The following FAM13B variants were observed in gnomAD, a reference collection of about 807,000 sequenced individuals.
FAM13B encodes protein FAM13B.
Under a neutral mutation model 117.3 loss-of-function variants are expected in FAM13B, and 60 were observed. That is an observed-to-expected ratio of 0.51 (90% CI 0.42 to 0.63). The LOEUF is 0.63. FAM13B is among the 30% of genes least tolerant of loss of function. The pLI is 0.00. For missense variants in FAM13B, 972 were observed against 1,091.9 expected, an observed-to-expected ratio of 0.89 and a Z score of 1.55; for synonymous variants, 332 against 356.1, an observed-to-expected ratio of 0.93 and a Z score of 0.76.
chr5:138,047,641 G>A (rs1225434274), intron 1 of FAM13B, among the ~76,000 whole-genome samples: 4 of 152,300 alleles, frequency 2.6e-5, no homozygotes, highest in African/African-American at 7.2e-5. Flanking sequence ...AAATTATCCC[G>A]GATTATCTGG....
intron 7 of FAM13B, among the ~76,000 whole-genome samples, chr5:138,002,864 C>A (rs1455798383): frequency 1.3e-5 from 2 of 148,872 alleles, no homozygotes; most frequent in Non-Finnish European, 3.0e-5. Context: ...TTAGTAGAGA[C>A]GGGGTTTCAC....
rs906668032 is a variant in FAM13B, at chr5:138,033,061, G to A, written c.-482C>T. 3.0e-6 allele frequency: 3 copies of A among 986,368 alleles called. No homozygotes were observed. The highest frequency in any genetic ancestry group is 3.6e-6 in the Non-Finnish European group (3 of 830,770). The allele number at this position is 986,368 out of a possible 1,614,324, so 61.1% of individuals were successfully genotyped here. ...TGAGGTGCAGAGCCTCCCTAACGGC[G>A]AGCGGGAGGAGAGCGGCTGGCGGGC... On this transcript the variant is annotated 5_prime_UTR_variant, in exon 1 of 24. Coordinates refer to ENST00000689681, the MANE Select transcript of FAM13B (RefSeq NM_001385994.1).
At chr5:138,047,629 G>A (rs1791681403) in intron 1 of FAM13B, among the ~76,000 whole-genome samples, 1 of 152,200 alleles carries the variant, frequency 6.6e-6, no homozygotes, top group African/African-American at 2.4e-5. Flanking sequence ...CCAGAGATGG[G>A]GAAATTATCC....
chr5:137,989,954 C>T (rs11242404), intron 7 of FAM13B, among the ~76,000 whole-genome samples: 112,349 of 152,128 alleles, frequency 0.74, 42,135 homozygotes, highest in East Asian at 0.97. Flanking sequence ...TTATTTCTAG[C>T]GGTTTCCTGT....
intron 10 of FAM13B, among the ~76,000 whole-genome samples, chr5:137,971,137 C>G (rs184798074): frequency 0.11 from 16,598 of 151,454 alleles, 1,412 homozygotes; most frequent in East Asian, 0.36. Flanking sequence ...GAACTCTCCA[C>G]CCCAAATCAA....
chr5:138,021,606 G>A (rs1423185207), intron 1 of FAM13B, among the ~76,000 whole-genome samples: 2 of 152,166 alleles, frequency 1.3e-5, no homozygotes, highest in Non-Finnish European at 2.9e-5. Context: ...ATTTAAGCTT[G>A]CTACTATACT....
chr5:138,014,547 C>T (rs1461583653), intron 4 of FAM13B, among the ~76,000 whole-genome samples: 3 of 152,208 alleles, frequency 2.0e-5, no homozygotes, highest in Non-Finnish European at 1.5e-5. Flanking sequence ...CTGTCTTCCA[C>T]AAAACCAGTC....
At chr5:137,947,966 G>GA (rs1763904275) in intron 18 of FAM13B, among the ~76,000 whole-genome samples, 1 of 152,134 alleles carries the variant, frequency 6.6e-6, no homozygotes, top group African/African-American at 2.4e-5. Flanking sequence ...TCAAGGGAAA[G>GA]AAAGACTCCA....
intron 10 of FAM13B, among the ~76,000 whole-genome samples, chr5:137,985,048 C>T (rs1024828037): frequency 1.3e-5 from 2 of 152,164 alleles, no homozygotes; most frequent in Non-Finnish European, 2.9e-5. Context: ...GGATTACAGG[C>T]GTGAGCCACC....
At chr5:137,960,427 A>G (rs900632827) in intron 11 of FAM13B, among the ~76,000 whole-genome samples, 4 of 152,124 alleles carry the variant, frequency 2.6e-5, no homozygotes, top group African/African-American at 9.7e-5. Flanking sequence ...TCGGGTTTAG[A>G]AAAATCAAGT....
chr5:137,948,988 T>G lies in FAM13B; in HGVS notation c.2127A>C (p.Lys709Asn), dbSNP rs1419414392. The change falls in exon 18 of 24, where the codon AAA (lysine) becomes AAC (asparagine). Residue 709 changes from lysine (K) to asparagine (N), a missense_variant. Physicochemically the swap from Lys to Asn is moderately conservative, Grantham distance 94. Transcript: ENST00000689681. ...CTTCTGGAAGACACCTCTCAATACG[T>G]TTTTCTTTCAGTCTTTTAAGAATAA... is the stretch of plus-strand genomic sequence containing the variant. ...LELILKRLKE[K>N]RIERCLPEDI... 2 of 1,613,676 alleles carry G rather than the reference T, an allele frequency of 1.2e-6. No individual in the cohort carries two copies. The highest frequency in any genetic ancestry group is 4.5e-5 in the East Asian group (2 of 44,878).
rs34110085 is a variant in FAM13B at position 138,022,112 on chromosome 5, C to CA, written c.-202-916dup. ...CGGGCAACAAAGTGAGATCCTGTCT[C>CA]AAAAAAAAAAAAAAAAAAAAAAGAA... is the stretch of plus-strand genomic sequence containing the variant. On this transcript the variant is annotated intron_variant, in intron 1 of 23. Coordinates refer to ENST00000689681, the MANE Select transcript of FAM13B (RefSeq NM_001385994.1). Among the ~76,000 whole-genome samples the CA allele has an allele frequency of 2.8e-3, 375 of 135,504 alleles. 1 individual carries two copies. Among genetic ancestry groups the CA allele is most frequent in the South Asian group, 5.6e-3 (25 of 4,490 alleles). The allele number at this position is 135,504 out of a possible 152,430, so 88.9% of individuals were successfully genotyped here.
At chr5:138,051,279 A>G (rs957846885) in intron 1 of FAM13B, among the ~76,000 whole-genome samples, 2 of 152,240 alleles carry the variant, frequency 1.3e-5, no homozygotes, top group Non-Finnish European at 2.9e-5. Context: ...AAACAGTGCT[A>G]CAATATGTTT....
rs77131785 is a variant in FAM13B at position 138,004,378 on chromosome 5, T to C, written c.848+2612A>G. ...GATCGAAGAGAAGCTATTAGTAATA[T>C]GTATTTGAAACCATACTTAGCCTTG... On this transcript the variant is annotated intron_variant, in intron 7 of 23. Coordinates refer to ENST00000689681, the MANE Select transcript of FAM13B (RefSeq NM_001385994.1). 7.8e-3 allele frequency among the ~76,000 whole-genome samples: 1,184 copies of C among 152,190 alleles called. 15 individuals carry two copies. Among genetic ancestry groups the C allele is most frequent in the African/African-American group, 0.027 (1,103 of 41,508 alleles).
At chr5:137,941,481 T>C (rs1487857827) in intron 23 of FAM13B, among the ~76,000 whole-genome samples, 1 of 152,200 alleles carries the variant, frequency 6.6e-6, no homozygotes, top group African/African-American at 2.4e-5. Context: ...TGTGCCATAC[T>C]GTATTATAGG....
At chr5:137,942,838 A>T in intron 22 of FAM13B, 37 bp downstream of exon 22, 1 of 1,560,300 alleles carries the variant, frequency 6.4e-7, no homozygotes. Context: ...ACATTTTATT[A>T]TAAAAATAGG....
intron 7 of FAM13B, among the ~76,000 whole-genome samples, chr5:137,989,078 C>G (rs544593669): frequency 6.6e-6 from 1 of 152,296 alleles, no homozygotes; most frequent in African/African-American, 2.4e-5. Flanking sequence ...GCACTGTGTG[C>G]CTAAGCACAT....
chr5:137,961,968 G>A (rs1294511277), intron 11 of FAM13B, among the ~76,000 whole-genome samples: 1 of 152,214 alleles, frequency 6.6e-6, no homozygotes, highest in African/African-American at 2.4e-5. Context: ...AGCTGCCTAA[G>A]AGTGTACTGA....
intron 10 of FAM13B, among the ~76,000 whole-genome samples, chr5:137,972,948 G>A (rs1289646845): frequency 6.6e-6 from 1 of 151,582 alleles, no homozygotes; most frequent in Non-Finnish European, 1.5e-5. Flanking sequence ...ACTGCTCAAG[G>A]AAATAAAAGA....
Sources: allele counts gnomAD v4.1 joint callset (sites outside exome capture counted in the v4.1 genomes callset), GRCh38; gene constraint gnomAD v4.1.1; transcripts MANE v1.5; gene names NCBI Gene and HGNC (gene_info 2026-07-23, HGNC 2026-07-21).